The following ST7 variants were observed in gnomAD, a reference collection of about 807,000 sequenced individuals.
ST7 encodes the protein suppression of tumorigenicity 7.
ST7 carries 28 observed loss-of-function variants against 78.7 expected under a neutral mutation model. That is an observed-to-expected ratio of 0.36 (90% confidence interval 0.26 to 0.49). The LOEUF (loss-of-function observed/expected upper bound fraction) is 0.49, where lower values mean the gene tolerates loss of function less well. ST7 is among the 20% of genes least tolerant of loss of function. ST7 has a pLI of 0.99. For synonymous variants in ST7, 247 were observed against 249.6 expected (o/e 0.99, Z 0.10); for missense variants, 418 against 696.0 (o/e 0.60, Z 4.49).
chr7:117,161,598 T>TG (rs1807159502), intron 9 of ST7, among the ~76,000 whole-genome samples: 1 of 146,028 alleles, frequency 6.8e-6, no homozygotes, highest in East Asian at 2.0e-4. Context: ...TTTCTTTTTT[T>TG]TTTTTTTTTT....
intron 2 of ST7, among the ~76,000 whole-genome samples, chr7:117,108,601 TG>T (rs529357774): frequency 1.1e-4 from 17 of 152,284 alleles, no homozygotes; most frequent in African/African-American, 4.1e-4. Flanking sequence ...ATGAATTTTT[TG>T]GTTGTTTTTT....
intron 9 of ST7, among the ~76,000 whole-genome samples, chr7:117,141,223 T>C (rs1805266468): frequency 6.6e-6 from 1 of 152,196 alleles, no homozygotes; most frequent in Non-Finnish European, 1.5e-5. Flanking sequence ...TTTAAAACTT[T>C]CCTAGAGCAG....
At chr7:116,981,933 G>C (rs1322806232) in intron 1 of ST7, among the ~76,000 whole-genome samples, 1 of 152,200 alleles carries the variant, frequency 6.6e-6, no homozygotes, top group African/African-American at 2.4e-5. Flanking sequence ...TATAATGGCT[G>C]CAAAATCATT....
At chr7:116,977,881 G>A (rs577698531) in intron 1 of ST7, among the ~76,000 whole-genome samples, 1 of 152,144 alleles carries the variant, frequency 6.6e-6, no homozygotes, top group Non-Finnish European at 1.5e-5. Context: ...AGAAGCACAG[G>A]CCATACCTGA....
intron 1 of ST7, among the ~76,000 whole-genome samples, chr7:116,994,067 A>G (rs932818703): frequency 2.0e-5 from 3 of 152,206 alleles, no homozygotes; most frequent in Admixed American, 6.5e-5. Flanking sequence ...CATTAAGTAC[A>G]TTCACATTGT....
At chr7:117,170,661 A>G (rs762851776) in intron 9 of ST7, among the ~76,000 whole-genome samples, 45 of 152,304 alleles carry the variant, frequency 3.0e-4, no homozygotes, top group Non-Finnish European at 5.3e-4. Context: ...AGCCTGGGCG[A>G]CAGAGCAAGA....
rs937942910 is a variant in ST7 at position 117,080,447 on chromosome 7, A to T, written c.152-19315A>T. Among the ~76,000 whole-genome samples, 60 of 152,224 alleles carry T rather than the reference A, an allele frequency of 3.9e-4. 1 individual carries two copies. Among genetic ancestry groups the T allele is most frequent in the African/African-American group, 1.4e-3 (60 of 41,532 alleles). ...CTATTCTATCATATAGATATTTAAT[A>T]TTTAACCATTTTTCTTGTTGTATAT... On this transcript the variant is annotated intron_variant, in intron 1 of 15. Transcript: ENST00000323984.
intron 8 of ST7, 42 bp from the exon 9 acceptor site, chr7:117,138,389 ATTTT>A: frequency 3.6e-6 from 4 of 1,116,458 alleles, no homozygotes; most frequent in Non-Finnish European, 2.5e-6. Flanking sequence ...GGGCCTCTGT[ATTTT>A]TTTTTTTTTT....
intron 1 of ST7, among the ~76,000 whole-genome samples, chr7:117,094,375 A>G (rs933049253): frequency 6.6e-6 from 1 of 152,168 alleles, no homozygotes; most frequent in African/African-American, 2.4e-5. Context: ...TATTCAGCCT[A>G]CAAGTCTCAG....
intron 2 of ST7, among the ~76,000 whole-genome samples, chr7:117,115,461 T>G (rs112077588): frequency 1.8e-4 from 28 of 151,862 alleles, no homozygotes; most frequent in African/African-American, 6.8e-4. Flanking sequence ...TTCAAGCAAT[T>G]CTGCTGCCTC....
chr7:116,960,353 C>T (rs1171248679), intron 1 of ST7, among the ~76,000 whole-genome samples: 1 of 152,030 alleles, frequency 6.6e-6, no homozygotes, highest in Non-Finnish European at 1.5e-5. Flanking sequence ...TCATGTCCGG[C>T]TAAGTTTTGT....
chr7:117,047,767 G>T (rs1262370310), intron 1 of ST7, among the ~76,000 whole-genome samples: 3 of 152,158 alleles, frequency 2.0e-5, no homozygotes, highest in Admixed American at 1.3e-4. Context: ...CTAGAAATTG[G>T]CCTGAGAGGG....
intron 1 of ST7, among the ~76,000 whole-genome samples, chr7:116,963,867 G>A (rs963894133): frequency 7.9e-5 from 12 of 151,886 alleles, no homozygotes; most frequent in East Asian, 7.7e-4. Flanking sequence ...TCCTGACTTC[G>A]TGATCCGCCC....
intron 9 of ST7, among the ~76,000 whole-genome samples, chr7:117,168,035 G>C (rs941504945): frequency 6.6e-6 from 1 of 152,202 alleles, no homozygotes; most frequent in Non-Finnish European, 1.5e-5. Context: ...GGAGGCAGCA[G>C]AGGGTTCACT....
intron 10 of ST7, among the ~76,000 whole-genome samples, chr7:117,178,042 G>T (rs1216180247): frequency 6.6e-6 from 1 of 152,132 alleles, no homozygotes; most frequent in East Asian, 1.9e-4. Flanking sequence ...ATCTGTGAAG[G>T]CCAAATATGC....
chr7:117,056,293 G>A (rs548884354), intron 1 of ST7, among the ~76,000 whole-genome samples: 2 of 152,166 alleles, frequency 1.3e-5, no homozygotes, highest in Non-Finnish European at 2.9e-5. Flanking sequence ...GTGCAGTGCT[G>A]CTGAGTATAT....
intron 1 of ST7, among the ~76,000 whole-genome samples, chr7:116,978,231 C>T (rs893058624): frequency 6.6e-6 from 1 of 152,224 alleles, no homozygotes; most frequent in Non-Finnish European, 1.5e-5. Context: ...AACAATGTCT[C>T]TCTTACCAGA....
Position 117,142,152 on chromosome 7 carries a change from T to A in ST7, c.963+3620T>A, listed in dbSNP as rs565041100. Among the ~76,000 whole-genome samples, 6 of 152,230 alleles carry A rather than the reference T, an allele frequency of 3.9e-5. No homozygotes were observed. In the South Asian group the frequency reaches 1.2e-3, roughly 32 times the overall value. On this transcript the variant is annotated intron_variant, in intron 9 of 15. Coordinates refer to ENST00000323984, the MANE Select transcript of ST7 (RefSeq NM_001369598.1). ...CATCTACTGTTTAGCTAACCTCAAG[T>A]TTTCCCTCTGTCTTTCCCTGGCCCT...
chr7:117,052,903 A>AC (rs1797861057), intron 1 of ST7, among the ~76,000 whole-genome samples: 1 of 152,176 alleles, frequency 6.6e-6, no homozygotes, highest in African/African-American at 2.4e-5. Flanking sequence ...CAAAAAACAA[A>AC]AAAACAAACA....
Sources: allele counts gnomAD v4.1 joint callset (sites outside exome capture counted in the v4.1 genomes callset), GRCh38; gene constraint gnomAD v4.1.1; transcripts MANE v1.5; gene names NCBI Gene and HGNC (gene_info 2026-07-23, HGNC 2026-07-21).